The following EIF2D variants were observed in gnomAD, a reference collection of about 807,000 sequenced individuals.
The protein encoded by EIF2D is hepatocellular carcinoma-associated antigen 56.
Under a neutral mutation model 77.4 loss-of-function variants are expected in EIF2D, and 56 were observed. The observed-to-expected ratio is 0.72, with a 90% CI of 0.58 to 0.90. The LOEUF is 0.90. EIF2D is among the 40% of genes least tolerant of loss of function. EIF2D has a pLI of 0.00. For missense variants in EIF2D, 574 were observed against 706.5 expected, an observed-to-expected ratio of 0.81 and a Z score of 2.13; for synonymous variants, 230 against 271.0, an observed-to-expected ratio of 0.85 and a Z score of 1.49.
intron 5 of EIF2D, 58 bp from the exon 6 acceptor site, chr1:206,603,262 G>A (rs1670020196): frequency 6.3e-7 from 1 of 1,579,150 alleles, no homozygotes; most frequent in Non-Finnish European, 8.6e-7. Context: ...TCCAGCCCTG[G>A]CCACAGAGGA....
At chr1:206,572,030 G>T (rs1485363797) in intron 5 of EIF2D, among the ~76,000 whole-genome samples, 1 of 152,138 alleles carries the variant, frequency 6.6e-6, no homozygotes, top group Non-Finnish European at 1.5e-5. Flanking sequence ...AAGGATTTGG[G>T]TCATCTATTT....
At chr1:206,603,791 T>C (rs1247368936) in intron 5 of EIF2D, among the ~76,000 whole-genome samples, 8 of 152,166 alleles carry the variant, frequency 5.3e-5, no homozygotes, top group Non-Finnish European at 2.9e-5. Context: ...CGATGCCACA[T>C]AGCAAAGCAC....
In EIF2D at chr1:206,595,810, G is replaced by A; in HGVS notation, c.1417C>T (p.Gln473Ter). The A allele has an allele frequency of 6.2e-7, 1 of 1,614,130 alleles. No individual in the cohort carries two copies. The highest frequency in any genetic ancestry group is 8.5e-7 in the Non-Finnish European group (1 of 1,179,978). The change falls in exon 13 of 15, where the codon CAA becomes TAA. Residue 473 changes from glutamine to a stop codon, truncating the protein, a stop_gained. Coordinates refer to ENST00000271764, the MANE Select transcript of EIF2D (RefSeq NM_006893.3). LOFTEE classifies it high-confidence loss of function. ...RCLEKLQPAY[Q>*]VTLPGQEPIV... ...GGCTCTTGTCCGGGAAGGGTCACTT[G>A]ATAGGCAGGCTGTAATTTTTCCAAA...
At chr1:206,585,370 A>G in intron 2 of EIF2D, 1 of 1,060,126 alleles carries the variant, frequency 9.4e-7, no homozygotes, top group South Asian at 1.3e-5. Context: ...TGTCCTAACT[A>G]CCTCACATAG....
chr1:206,607,417 C>G (rs1553412917), intron 4 of EIF2D, among the ~76,000 whole-genome samples: 2 of 152,060 alleles, frequency 1.3e-5, no homozygotes, highest in African/African-American at 4.8e-5. Flanking sequence ...GTAAGGGAGG[C>G]TTTTAATTTT....
At chr1:206,594,008 G>T in intron 13 of EIF2D, 1 of 413,602 alleles carries the variant, frequency 2.4e-6, no homozygotes, top group South Asian at 5.7e-5. Flanking sequence ...CATATTTAGA[G>T]GGACAGATAC....
chr1:206,593,833 G>A (rs782360929), intron 13 of EIF2D, 40 bp from the exon 14 acceptor site: 9 of 1,559,124 alleles, frequency 5.8e-6, no homozygotes, highest in Non-Finnish European at 7.9e-6. Flanking sequence ...GGTGGTGACT[G>A]CATTCCCTTC....
At chr1:206,602,220 C>T (rs1204552853) in intron 7 of EIF2D, 116 bp downstream of exon 7, 1 of 747,114 alleles carries the variant, frequency 1.3e-6, no homozygotes, top group Non-Finnish European at 2.3e-6. Flanking sequence ...TCCCTCCACT[C>T]TTTCCACAGC....
rs1299614829 is a variant in EIF2D at position 206,592,975 on chromosome 1, G to A, written c.1684+644C>T. ...AAATTAGCTGGCCGTGGTGGCATGC[G>A]CCTATAATCCCAGCTACTCGGGAGG... On this transcript the variant is annotated intron_variant, in intron 14 of 14. Coordinates refer to ENST00000271764, the MANE Select transcript of EIF2D (RefSeq NM_006893.3). This position sits in a 1 kb window ranked among gnomAD's most constrained non-coding sequence, Gnocchi z 4.7. Among the ~76,000 whole-genome samples the A allele has an allele frequency of 6.6e-6, 1 of 152,054 alleles. No homozygotes were observed. The highest frequency in any genetic ancestry group is 1.5e-5 in the Non-Finnish European group (1 of 67,992).
chr1:206,593,307 A>G (rs1237834690), intron 14 of EIF2D, among the ~76,000 whole-genome samples: 3 of 152,122 alleles, frequency 2.0e-5, no homozygotes, highest in African/African-American at 7.2e-5. Flanking sequence ...TGGGCCTAGC[A>G]CAAAAGTTTG....
chr1:206,611,379 G>A lies in EIF2D; in HGVS notation c.57-5C>T. 1 of 1,611,950 alleles carries A rather than the reference G, an allele frequency of 6.2e-7. No individual in the cohort carries two copies. ...ACATCAGCTCGAAGCTTTCTCCTGT[G>A]GAAAGCACACCAGCACTGTGAATGC... On this transcript the variant is annotated splice_polypyrimidine_tract_variant and splice_region_variant and intron_variant, in intron 1 of 14. Transcript: ENST00000271764.
intron 14 of EIF2D, 59 bp downstream of exon 14, chr1:206,593,560 G>A: frequency 2.4e-6 from 3 of 1,260,070 alleles, no homozygotes; most frequent in Non-Finnish European, 3.2e-6. Context: ...AAGTTGAGTT[G>A]GCAGGAAGGT....
In EIF2D at chr1:206,591,828, G is replaced by A. The variant is rs782142573; in HGVS notation, c.1702C>T (p.Arg568Ter). 7 of 1,614,064 alleles carry A rather than the reference G, an allele frequency of 4.3e-6. No homozygotes were observed. The highest frequency in any genetic ancestry group is 1.1e-5 in the South Asian group (1 of 91,080). The change falls in exon 15 of 15, where the codon CGA becomes TGA. Residue 568 changes from arginine to a stop codon, truncating the protein, a stop_gained. Coordinates refer to ENST00000271764, the MANE Select transcript of EIF2D (RefSeq NM_006893.3). LOFTEE classifies it high-confidence loss of function. The part of the protein sequence containing the change: ...WLLLEEYQLP[R>*]KHIQGLEKAL... Reference sequence around the variant, plus strand: ...TTTTCTAGACCTTGGATGTGTTTTCGAGGGAGCTGATACTCTTCTACAATC... The same window carrying A: ...TTTTCTAGACCTTGGATGTGTTTTCAAGGGAGCTGATACTCTTCTACAATC...
intron 4 of EIF2D, among the ~76,000 whole-genome samples, chr1:206,578,445 G>A (rs1668741122): frequency 6.6e-6 from 1 of 152,060 alleles, no homozygotes; most frequent in Non-Finnish European, 1.5e-5. Context: ...AATAGTGCAC[G>A]GTACATATTA....
At chr1:206,588,755 C>T (rs1553408293), downstream of EIF2D, 1 of 152,780 alleles carries the variant, frequency 6.5e-6, no homozygotes, top group Non-Finnish European at 1.5e-5. Flanking sequence ...GGTTAGCCAT[C>T]TCATGCTCAG....
chr1:206,580,340 G>A (rs1188502758), intron 4 of EIF2D, among the ~76,000 whole-genome samples: 2 of 152,208 alleles, frequency 1.3e-5, no homozygotes, highest in Admixed American at 6.5e-5. Flanking sequence ...GAAGCTTCTA[G>A]AATTTTCTTT....
rs1553407288 is a variant in EIF2D, at chr1:206,584,850, CAAGAG to C, written c.139-3693_139-3689del. Reference sequence around the variant, plus strand: ...GATCTGTGGAATCCGGGCAGGGAGGCAAGAGCAGAGTCCCTGACTCTGCATGTGAC... The same window carrying C: ...GATCTGTGGAATCCGGGCAGGGAGGCCAGAGTCCCTGACTCTGCATGTGAC... On this transcript the variant is annotated intron_variant and NMD_transcript_variant, in intron 2 of 5. Coordinates refer to the EIF2D transcript ENST00000472709. The surrounding 1 kb of genome is among the most constrained non-coding windows in gnomAD (Gnocchi z 4.9). 9 of 722,448 alleles carry C rather than the reference CAAGAG, an allele frequency of 1.2e-5. No homozygotes were observed. Among genetic ancestry groups the C allele is most frequent in the Admixed American group, 2.8e-5 (1 of 35,392 alleles). 44.8% of individuals were successfully genotyped at this position (722,448 alleles called of 1,614,324 possible).
rs775127764 is a variant in EIF2D at position 206,592,995 on chromosome 1, G to A, written c.1684+624C>T. Among the ~76,000 whole-genome samples the A allele has an allele frequency of 3.3e-5, 5 of 152,186 alleles. No homozygotes were observed. Among genetic ancestry groups the A allele is most frequent in the Middle Eastern group, 3.4e-3 (1 of 294 alleles). On this transcript the variant is annotated intron_variant, in intron 14 of 14. Transcript: ENST00000271764. This position sits in a 1 kb window ranked among gnomAD's most constrained non-coding sequence, Gnocchi z 4.7. ...CATGCGCCTATAATCCCAGCTACTC[G>A]GGAGGCTGAGGCAGGGGAATGACTG... is the stretch of plus-strand genomic sequence containing the variant.
downstream of EIF2D, chr1:206,589,025 A>T (rs943122191): frequency 6.5e-6 from 1 of 152,788 alleles, no homozygotes; most frequent in African/African-American, 2.4e-5. Context: ...TTATGAAATG[A>T]GAAAATTATT....
Sources: gnomAD v4.1 joint callset for allele counts (sites outside exome capture counted in the v4.1 genomes callset) on GRCh38, gnomAD v4.1.1 for gene constraint, Gnocchi (gnomAD v3.1) non-coding constraint, MANE v1.5 for transcripts, NCBI Gene and HGNC (gene_info 2026-07-23, HGNC 2026-07-21) for gene names.